Variants in NLRP6 observed in about 807,000 individuals in gnomAD.
The protein encoded by NLRP6 is NACHT, LRR and PYD domains-containing protein 6.
A neutral mutation model predicts 70.9 loss-of-function variants in NLRP6; 55 were observed. The observed-to-expected ratio is 0.78, with a 90% CI of 0.62 to 0.97. The LOEUF is 0.97. Ranked by LOEUF, NLRP6 falls within the 50% of genes least tolerant of loss-of-function variation. The probability of loss-of-function intolerance (pLI) is 0.00; values close to 1 mark genes in which losing one functional copy is unlikely to be tolerated. For missense variants in NLRP6, 1,241 were observed against 1,238.3 expected (o/e 1.00, Z -0.03); for synonymous variants, 652 against 581.9 (o/e 1.12, Z -1.73).
At chr11:283,348 C>G (rs1231787888) in intron 5 of NLRP6, among the ~76,000 whole-genome samples, 11 of 140,806 alleles carry the variant, frequency 7.8e-5, no homozygotes, top group African/African-American at 2.4e-4. Context: ...GAGCCTCGCT[C>G]TGTCGCCCAG....
rs1209710766 is a variant in NLRP6 at position 279,771 on chromosome 11, AC to A, written c.311-58del. 27 of 1,525,720 alleles carry A rather than the reference AC, an allele frequency of 1.8e-5. 1 individual carries two copies. The South Asian group carries it at 1.9e-4, about 11-fold the overall frequency. The allele number at this position is 1,525,720 out of a possible 1,614,324, so 94.5% of individuals were successfully genotyped here. A position where few individuals can be genotyped will look rare whatever the true frequency, so the allele number is the denominator to read the frequency against. On this transcript the variant is annotated intron_variant, in intron 2 of 7. Coordinates refer to ENST00000534750, the MANE Select transcript of NLRP6 (RefSeq NM_001276700.2). ...CTGCGTGCTCCTCAGGGTGACTCGG[AC>A]CCCCGTGGCGCCTTCCCCTGTTCCC...
rs548235627 is a variant in NLRP6, at chr11:284,024, G to C, written c.2199-206G>C. Among the ~76,000 whole-genome samples the C allele has an allele frequency of 3.9e-5, 6 of 152,314 alleles. No individual in the cohort carries two copies. The East Asian group carries it at 9.6e-4, about 24-fold the overall frequency. On this transcript the variant is annotated intron_variant, in intron 5 of 7. Coordinates refer to ENST00000534750, the MANE Select transcript of NLRP6 (RefSeq NM_001276700.2). ...CAGCTCTCCGAAGAGCTCGTAGAGA[G>C]TGTCGCAGGGAGAAATGAACACAGC...
rs146018617 is a variant in NLRP6, at chr11:281,691, C to G, written c.1957C>G (p.Arg653Gly). The G allele has an allele frequency of 1.2e-4, 186 of 1,613,354 alleles. No homozygotes were observed. Among genetic ancestry groups the G allele is most frequent in the Non-Finnish European group, 1.5e-4 (180 of 1,180,040 alleles). ...GGCGCTGCAGCGAGTGCGCTTCTGC[C>G]GCATGGACGTGGCTGTTCTGAGCTA... The part of the protein sequence containing the change: ...ELALQRVRFC[R>G]MDVAVLSYCV... Residue 653 changes from arginine (R) to glycine (G), a missense_variant, in exon 4 of 8, where the codon CGC becomes GGC. By Grantham distance (125) the Arg-to-Gly change is moderately radical. Transcript: ENST00000534750.
intron 5 of NLRP6, among the ~76,000 whole-genome samples, chr11:283,474 C>T (rs1038326566): frequency 6.6e-5 from 10 of 151,968 alleles, no homozygotes; most frequent in East Asian, 1.9e-4. Flanking sequence ...CCACTACGCC[C>T]GGCTAATTGT....
intron 5 of NLRP6, among the ~76,000 whole-genome samples, chr11:283,720 T>C (rs1845512089): frequency 6.6e-6 from 1 of 152,002 alleles, no homozygotes; most frequent in African/African-American, 2.4e-5. Context: ...GTGAAACAGG[T>C]CCATCCTACG....
At chr11:284,029 G>A (rs897330458) in intron 5 of NLRP6, among the ~76,000 whole-genome samples, 1 of 152,144 alleles carries the variant, frequency 6.6e-6, no homozygotes, top group Non-Finnish European at 1.5e-5. Context: ...AGAGAGTGTC[G>A]CAGGGAGAAA....
In NLRP6 at chr11:284,224, C is replaced by T. The variant is rs1184002020; in HGVS notation, c.2199-6C>T. On this transcript the variant is annotated splice_region_variant and splice_polypyrimidine_tract_variant and intron_variant, in intron 5 of 7. Transcript: ENST00000534750. ...GCAGGTAAATCTCTGTGCTTCTTGA[C>T]CACAGGCTGTCCCACTGCAAACTCC... 1.9e-6 allele frequency: 3 copies of T among 1,612,936 alleles called. No individual in the cohort carries two copies. Among genetic ancestry groups the T allele is most frequent in the Admixed American group, 3.3e-5 (2 of 59,996 alleles).
At position 280,552 on chromosome 11, in the gene NLRP6, G is replaced by T; in HGVS notation, c.818G>T (p.Arg273Leu). Residue 273 changes from arginine to leucine, a missense_variant, in exon 4 of 8, where the codon CGG (arginine) becomes CTG (leucine). Arg to Leu is a moderately radical substitution (Grantham distance 102, BLOSUM62 -2). Transcript: ENST00000534750. ...CCGCAGATGCTGGCCCAGCCGCAGCGGCTGCTCTTCATCCTGGACGGCGCG... is the reference window on the plus strand; with the variant it reads ...CCGCAGATGCTGGCCCAGCCGCAGCTGCTGCTCTTCATCCTGGACGGCGCG... ...PVPQMLAQPQ[R>L]LLFILDGADE... The T allele has an allele frequency of 6.5e-7, 1 of 1,530,594 alleles. No homozygotes were observed. Among genetic ancestry groups the T allele is most frequent in the East Asian group, 2.5e-5 (1 of 39,702 alleles). 94.8% of individuals were successfully genotyped at this position (1,530,594 alleles called of 1,614,324 possible).
chr11:280,962 C>T lies in NLRP6; in HGVS notation c.1228C>T (p.Arg410Cys). 6.2e-7 allele frequency: 1 copy of T among 1,613,230 alleles called. No individual in the cohort carries two copies. Among genetic ancestry groups the T allele is most frequent in the Non-Finnish European group, 8.5e-7 (1 of 1,179,970 alleles). Reference sequence around the variant, plus strand: ...GCTGGAGCTCGGTCGGGACCTGTCGCGCACGTCCAAGACCACCACGTCAGT... The same window carrying T: ...GCTGGAGCTCGGTCGGGACCTGTCGTGCACGTCCAAGACCACCACGTCAGT... ...QQLELGRDLS[R>C]TSKTTTSVYL... The change falls in exon 4 of 8, where the codon CGC becomes TGC. Residue 410 changes from arginine to cysteine, a missense_variant. Coordinates refer to ENST00000534750, the MANE Select transcript of NLRP6 (RefSeq NM_001276700.2).
rs776555777 is a variant in NLRP6 at position 284,647 on chromosome 11, A to T, written c.2537+5A>T. 1.6e-5 allele frequency: 25 copies of T among 1,598,812 alleles called. No homozygotes were observed. In the South Asian group the frequency reaches 2.7e-4, roughly 17 times the overall value. On this transcript the variant is annotated splice_donor_5th_base_variant and intron_variant, in intron 7 of 7. Coordinates refer to ENST00000534750, the MANE Select transcript of NLRP6 (RefSeq NM_001276700.2). ...ATGCGGCCTGCAGACCCTCAGGTGG[A>T]GGCAGGGGTGGGAAGGGTGCTGGGG...
At position 278,668 on chromosome 11, in the gene NLRP6, C is replaced by G; in HGVS notation, c.29+70C>G. The G allele has an allele frequency of 1.6e-6, 2 of 1,261,650 alleles. No homozygotes were observed. Among genetic ancestry groups the G allele is most frequent in the Non-Finnish European group, 2.2e-6 (2 of 907,326 alleles). 78.2% of individuals were successfully genotyped at this position (1,261,650 alleles called of 1,614,324 possible). A position where few individuals can be genotyped will look rare whatever the true frequency, so the allele number is the denominator to read the frequency against. On this transcript the variant is annotated intron_variant, in intron 1 of 7. Coordinates refer to ENST00000534750, the MANE Select transcript of NLRP6 (RefSeq NM_001276700.2). This position sits in a 1 kb window ranked among gnomAD's most constrained non-coding sequence, Gnocchi z 4.7. Reference sequence around the variant, plus strand: ...AGCCCTCTGGGGCCTCCACCTCACCCGCTGACTTCCTCAGGCTCTCCACCC... The same window carrying G: ...AGCCCTCTGGGGCCTCCACCTCACCGGCTGACTTCCTCAGGCTCTCCACCC...
intron 2 of NLRP6, 44 bp downstream of exon 2, chr11:279,651 G>T: frequency 7.3e-7 from 1 of 1,375,648 alleles, no homozygotes; most frequent in African/African-American, 1.5e-5. Flanking sequence ...GCAGAGGCTG[G>T]GCTGCCCTCC....
At position 280,370 on chromosome 11, in the gene NLRP6, C is replaced by T; in HGVS notation, c.636C>T (p.Ala212=). 1 of 1,544,130 alleles carries T rather than the reference C, an allele frequency of 6.5e-7. No homozygotes were observed. Among genetic ancestry groups the T allele is most frequent in the Non-Finnish European group, 8.7e-7 (1 of 1,150,688 alleles). The change falls in exon 4 of 8, where the codon GCC becomes GCT. Residue 212 remains alanine, a synonymous_variant. Transcript: ENST00000534750. ...CGGGCATCGGCAAGACCATGGCGGC[C>T]AAAAAGATCCTGTACGACTGGGCGG... ...GPAGIGKTMA[A]KKILYDWAAG...
chr11:281,474 G>A lies in NLRP6; in HGVS notation c.1740G>A (p.Gln580=), dbSNP rs1203449265. The stretch of plus-strand genomic sequence containing the variant: ...AGCAGGAGGCCCTGCGGTGGGTGCA[G>A]GGACAGGGACAGGGCTGCCCCGGAG... The part of the protein sequence containing the change: ...RVKQEALRWV[Q]GQGQGCPGVA... Residue 580 remains glutamine, a synonymous_variant, in exon 4 of 8, where the codon CAG becomes CAA. Transcript: ENST00000534750. The A allele has an allele frequency of 6.3e-7, 1 of 1,596,954 alleles. No individual in the cohort carries two copies. The highest frequency in any genetic ancestry group is 2.2e-5 in the East Asian group (1 of 44,670).
Position 280,706 on chromosome 11 carries a change from G to T in NLRP6, c.972G>T (p.Val324=). Residue 324 remains valine (V), a synonymous_variant, in exon 4 of 8, where the codon GTG becomes GTT. Transcript: ENST00000534750. ...TGCTGCCCACGGCCCTCCTGCTGGT[G>T]ACCACGCGCGCCGCCGCCCCCGGGA... The part of the protein sequence containing the change: ...KALLPTALLL[V]TTRAAAPGRL... 1 of 1,571,520 alleles carries T rather than the reference G, an allele frequency of 6.4e-7. No individual in the cohort carries two copies. Among genetic ancestry groups the T allele is most frequent in the South Asian group, 1.2e-5 (1 of 84,134 alleles).
At position 281,782 on chromosome 11, in the gene NLRP6, A is replaced by G; in HGVS notation, c.2048A>G (p.Gln683Arg). 1 of 1,604,944 alleles carries G rather than the reference A, an allele frequency of 6.2e-7. No homozygotes were observed. The highest frequency in any genetic ancestry group is 8.5e-7 in the Non-Finnish European group (1 of 1,178,082). ...ATCAGCTGCAGATTGGTTGCTGCGC[A>G]GGAGAAGAAGAAGAAGAGCCTGGGG... ...RLISCRLVAA[Q>R]EKKKKSLGKR... Residue 683 changes from glutamine to arginine, a missense_variant, in exon 4 of 8, where the codon CAG (glutamine) becomes CGG (arginine). Physicochemically the swap from Gln to Arg is conservative, Grantham distance 43 (BLOSUM62 1). Coordinates refer to ENST00000534750, the MANE Select transcript of NLRP6 (RefSeq NM_001276700.2).
At position 284,567 on chromosome 11, in the gene NLRP6, G is replaced by A. The variant is rs1440138459; in HGVS notation, c.2462G>A (p.Cys821Tyr). The A allele has an allele frequency of 2.5e-6, 4 of 1,612,474 alleles. No individual in the cohort carries two copies. In the Admixed American group the frequency reaches 5.0e-5, roughly 20 times the overall value. ...CTGACCACCCTGGATCTCAGCGGCTGCCAACTGCCCGCCCCCATGGTGACC... is the reference window on the plus strand; with the variant it reads ...CTGACCACCCTGGATCTCAGCGGCTACCAACTGCCCGCCCCCATGGTGACC... ...PALTTLDLSG[C>Y]QLPAPMVTYL... is the part of the protein sequence containing the mutation. The change falls in exon 7 of 8, where the codon TGC becomes TAC. Residue 821 changes from cysteine to tyrosine, a missense_variant. Physicochemically the swap from Cys to Tyr is radical, Grantham distance 194. Coordinates refer to ENST00000534750, the MANE Select transcript of NLRP6 (RefSeq NM_001276700.2).
Position 285,027 on chromosome 11 carries a change from A to C in NLRP6, c.2538-139A>C, listed in dbSNP as rs1590273810. 1.0e-5 allele frequency: 7 copies of C among 680,948 alleles called. No homozygotes were observed. In the East Asian group the frequency reaches 1.9e-4, roughly 19 times the overall value. 42.2% of individuals were successfully genotyped at this position (680,948 alleles called of 1,614,324 possible). The stretch of plus-strand genomic sequence containing the variant: ...TGTGGCACAGCCAAGCTGACAGCCC[A>C]GTCACTGCCCGCAGCCCGGCCACCC... On this transcript the variant is annotated intron_variant, in intron 7 of 7. Coordinates refer to ENST00000534750, the MANE Select transcript of NLRP6 (RefSeq NM_001276700.2).
At position 279,474 on chromosome 11, in the gene NLRP6, G is replaced by A. The variant is rs766745874; in HGVS notation, c.177G>A (p.Ala59=). Residue 59 remains alanine (A), a synonymous_variant, in exon 2 of 8, where the codon GCG becomes GCA. Coordinates refer to ENST00000534750, the MANE Select transcript of NLRP6 (RefSeq NM_001276700.2). ...RSIPWGRLER[A]DAVDLAEQLA... ...TCCCGTGGGGGCGGCTGGAGCGCGC[G>A]GACGCCGTGGACCTCGCGGAGCAGC... is the stretch of plus-strand genomic sequence containing the variant. The A allele has an allele frequency of 3.5e-6, 5 of 1,423,640 alleles. No homozygotes were observed. In the South Asian group the frequency reaches 7.2e-5, roughly 21 times the overall value. The allele number at this position is 1,423,640 out of a possible 1,614,324, so 88.2% of individuals were successfully genotyped here.
Sources: allele counts gnomAD v4.1 joint callset (sites outside exome capture counted in the v4.1 genomes callset), GRCh38; gene constraint gnomAD v4.1.1; non-coding constraint Gnocchi (gnomAD v3.1); transcripts MANE v1.5; gene names NCBI Gene and HGNC (gene_info 2026-07-23, HGNC 2026-07-21).